The following QTMAN variants were observed in gnomAD, a reference collection of about 807,000 sequenced individuals.
The protein encoded by QTMAN is tRNA-queuosine alpha-mannosyltransferase.
chr2:144,106,690 A>T, the QTMAN span, among the ~76,000 whole-genome samples: 1 of 152,250 alleles, frequency 6.6e-6, no homozygotes, highest in Admixed American at 6.5e-5. Context: ...AACATTAGAC[A>T]GATCAACGAG....
the QTMAN span, among the ~76,000 whole-genome samples, chr2:144,191,862 T>C: frequency 2.2e-4 from 33 of 152,332 alleles, no homozygotes; most frequent in East Asian, 5.8e-3. Flanking sequence ...TCTAATACTT[T>C]ATAACTTTCT....
the QTMAN span, among the ~76,000 whole-genome samples, chr2:143,967,649 C>T: frequency 6.6e-6 from 1 of 152,006 alleles, no homozygotes; most frequent in African/African-American, 2.4e-5. Flanking sequence ...TAATGTAGTA[C>T]CCAAAGAGAC....
At chr2:144,086,050 C>T in the QTMAN span, among the ~76,000 whole-genome samples, 1 of 152,114 alleles carries the variant, frequency 6.6e-6, no homozygotes, top group African/African-American at 2.4e-5. Flanking sequence ...CATACATTTA[C>T]AAAGGCCCCA....
chr2:144,195,507 C>A, the QTMAN span, among the ~76,000 whole-genome samples: 2 of 152,010 alleles, frequency 1.3e-5, no homozygotes, highest in Non-Finnish European at 2.9e-5. Flanking sequence ...CTACCATCTG[C>A]CAGCATTTTA....
the QTMAN span, among the ~76,000 whole-genome samples, chr2:144,110,549 A>T: frequency 6.6e-6 from 1 of 152,188 alleles, no homozygotes; most frequent in East Asian, 1.9e-4. Context: ...ATAAAAAATA[A>T]AAAATAAATA....
At chr2:144,070,907 G>A in the QTMAN span, among the ~76,000 whole-genome samples, 41 of 152,182 alleles carry the variant, frequency 2.7e-4, no homozygotes, top group East Asian at 7.1e-3. Flanking sequence ...TGAGTAAACC[G>A]TACCATGACA....
the QTMAN span, chr2:144,011,582 A>G: frequency 1.0e-6 from 1 of 971,302 alleles, no homozygotes. Context: ...ATTCTTAATC[A>G]GACACTATTT....
At chr2:144,274,223 C>T in the QTMAN span, among the ~76,000 whole-genome samples, 2 of 152,208 alleles carry the variant, frequency 1.3e-5, no homozygotes, top group African/African-American at 4.8e-5. Flanking sequence ...AATAGGGGCA[C>T]TAGGAGAATC....
the QTMAN span, among the ~76,000 whole-genome samples, chr2:144,308,784 C>T: frequency 1.3e-5 from 2 of 151,428 alleles, no homozygotes; most frequent in African/African-American, 4.8e-5. Context: ...TTAGATATTA[C>T]CAAAAAAAAA....
At chr2:144,158,574 C>T in the QTMAN span, among the ~76,000 whole-genome samples, 1 of 151,620 alleles carries the variant, frequency 6.6e-6, no homozygotes, top group Non-Finnish European at 1.5e-5. Flanking sequence ...GCTGTAGGGA[C>T]ATCAGATCTT....
chr2:143,985,752 T>C, the QTMAN span, among the ~76,000 whole-genome samples: 1 of 152,102 alleles, frequency 6.6e-6, no homozygotes, highest in African/African-American at 2.4e-5. Context: ...GAGAGCAGTA[T>C]GTATTTAAGG....
the QTMAN span, chr2:144,211,233 G>T: frequency 6.6e-6 from 1 of 152,270 alleles, no homozygotes; most frequent in African/African-American, 2.4e-5. Context: ...TAAGCATGTG[G>T]GAGGCTGAAA....
the QTMAN span, among the ~76,000 whole-genome samples, chr2:144,129,200 T>TA: frequency 3.3e-5 from 5 of 151,950 alleles, no homozygotes; most frequent in East Asian, 9.7e-4. Flanking sequence ...TGTCAGTAGT[T>TA]AGTCAATAAG....
the QTMAN span, among the ~76,000 whole-genome samples, chr2:144,204,027 T>TA: frequency 1.3e-5 from 2 of 151,970 alleles, no homozygotes; most frequent in South Asian, 2.1e-4. Context: ...ATGTTAGACC[T>TA]AAAACCATAA....
At chr2:144,299,027 G>A in the QTMAN span, among the ~76,000 whole-genome samples, 1 of 152,138 alleles carries the variant, frequency 6.6e-6, no homozygotes, top group Non-Finnish European at 1.5e-5. Flanking sequence ...CCTTAAAAAT[G>A]AGAGCAGGTT....
At chr2:144,310,065 G>A in the QTMAN span, among the ~76,000 whole-genome samples, 1 of 152,138 alleles carries the variant, frequency 6.6e-6, no homozygotes, top group Non-Finnish European at 1.5e-5. Flanking sequence ...ATCTGGCAAA[G>A]AGCAAATGAG....
chr2:144,252,365 C>T, the QTMAN span, among the ~76,000 whole-genome samples: 2 of 152,036 alleles, frequency 1.3e-5, no homozygotes, highest in African/African-American at 4.8e-5. Context: ...GGTGAAAGAG[C>T]AAGACCCTGT....
chr2:144,040,370 A>T, the QTMAN span, among the ~76,000 whole-genome samples: 1 of 151,448 alleles, frequency 6.6e-6, no homozygotes, highest in African/African-American at 2.4e-5. Flanking sequence ...CTTGTGCTTG[A>T]CTCTCTTAAT....
chr2:144,324,744 A>G, the QTMAN span, among the ~76,000 whole-genome samples: 11 of 152,292 alleles, frequency 7.2e-5, no homozygotes, highest in Non-Finnish European at 1.3e-4. Context: ...GCTGGTGCAC[A>G]CTGAAAATAA....
Sources: allele counts gnomAD v4.1 joint callset (sites outside exome capture counted in the v4.1 genomes callset), GRCh38; gene constraint gnomAD v4.1.1; transcripts MANE v1.5; gene names NCBI Gene and HGNC (gene_info 2026-07-23, HGNC 2026-07-21).